The following GAD2 variants were observed in gnomAD, a reference collection of about 807,000 sequenced individuals.
GAD2 encodes the protein glutamate decarboxylase 2, also known as 65 kDa glutamic acid decarboxylase.
Under a neutral mutation model 80.1 loss-of-function variants are expected in GAD2, and 22 were observed. That is an observed-to-expected ratio of 0.27 (90% confidence interval 0.20 to 0.39). The LOEUF is 0.39. Ranked by LOEUF, GAD2 falls within the 10% of genes least tolerant of loss-of-function variation. The pLI, the probability that GAD2 is intolerant of heterozygous loss-of-function variation, is 1.00. For missense variants in GAD2, 624 were observed against 738.4 expected (o/e 0.85, Z 1.80); for synonymous variants, 274 against 256.9 (o/e 1.07, Z -0.64).
chr10:26,223,483 A>G (rs1340316120), intron 4 of GAD2, among the ~76,000 whole-genome samples: 1 of 152,210 alleles, frequency 6.6e-6, no homozygotes, highest in Non-Finnish European at 1.5e-5. Flanking sequence ...ATGAGTATAA[A>G]GGAGAAGTTA....
In GAD2 at chr10:26,292,472, C is replaced by G. The variant is rs764513059; in HGVS notation, c.1394C>G (p.Thr465Ser). 6.2e-7 allele frequency: 1 copy of G among 1,613,496 alleles called. No individual in the cohort carries two copies. Among genetic ancestry groups the G allele is most frequent in the Non-Finnish European group, 8.5e-7 (1 of 1,179,514 alleles). Reference sequence around the variant, plus strand: ...TGTCCTTCTCTTACCTAGGGGACTACCGGGTTTGAAGCGCATGTTGATAAA... The same window carrying G: ...TGTCCTTCTCTTACCTAGGGGACTAGCGGGTTTGAAGCGCATGTTGATAAA... ...LWLMWRAKGTTGFEAHVDKCL... is the reference protein window; with the variant it reads ...LWLMWRAKGTSGFEAHVDKCL... Residue 465 changes from threonine (T) to serine (S), a missense_variant, in exon 14 of 16, where the codon ACC (threonine) becomes AGC (serine). By Grantham distance (58) the Thr-to-Ser change is moderately conservative (BLOSUM62 1). Coordinates refer to ENST00000376261, the MANE Select transcript of GAD2 (RefSeq NM_001134366.2).
intron 12 of GAD2, among the ~76,000 whole-genome samples, chr10:26,283,081 A>G (rs1463938287): frequency 2.0e-5 from 3 of 152,266 alleles, no homozygotes; most frequent in Non-Finnish European, 4.4e-5. Flanking sequence ...CAAAAGGGAA[A>G]TGCGAGCCGG....
At chr10:26,230,178 A>C (rs983299670) in intron 7 of GAD2, among the ~76,000 whole-genome samples, 1 of 152,186 alleles carries the variant, frequency 6.6e-6, no homozygotes. Flanking sequence ...AAAGAAAAAA[A>C]AAAGGAAAAT....
intron 9 of GAD2, 74 bp from the exon 10 acceptor site, chr10:26,270,566 A>G: frequency 9.3e-7 from 1 of 1,071,202 alleles, no homozygotes; most frequent in Non-Finnish European, 1.5e-6. Flanking sequence ...GAGAATTTCC[A>G]TTGCTTTGAA....
chr10:26,264,312 CT>C (rs373732623), intron 8 of GAD2, among the ~76,000 whole-genome samples: 23,698 of 129,324 alleles, frequency 0.18, 1,254 homozygotes, highest in East Asian at 0.27. Context: ...AGATTTCAAG[CT>C]TTTTTTTTTT....
intron 7 of GAD2, among the ~76,000 whole-genome samples, chr10:26,241,550 C>CTT (rs562624565): frequency 0.16 from 22,211 of 143,202 alleles, 2,419 homozygotes; most frequent in African/African-American, 0.32. Flanking sequence ...CTGCTCATTT[C>CTT]TTTTTTTTTT....
At chr10:26,262,247 C>T (rs1845017646) in intron 8 of GAD2, among the ~76,000 whole-genome samples, 1 of 149,202 alleles carries the variant, frequency 6.7e-6, no homozygotes, top group South Asian at 2.1e-4. Context: ...TAACTTTTCT[C>T]CCACTTATTT....
chr10:26,251,776 A>G (rs1033084061), intron 8 of GAD2, among the ~76,000 whole-genome samples: 1 of 152,226 alleles, frequency 6.6e-6, no homozygotes, highest in African/African-American at 2.4e-5. Context: ...TGTTGGAAAA[A>G]AATTTTAACT....
At chr10:26,262,449 T>G (rs1350153825) in intron 8 of GAD2, among the ~76,000 whole-genome samples, 1 of 152,040 alleles carries the variant, frequency 6.6e-6, no homozygotes, top group African/African-American at 2.4e-5. Context: ...AATGTTACGT[T>G]TTCTCTCTTT....
At chr10:26,228,912 A>G (rs552245400) in intron 6 of GAD2, among the ~76,000 whole-genome samples, 1 of 152,222 alleles carries the variant, frequency 6.6e-6, no homozygotes, top group East Asian at 1.9e-4. Context: ...TGATTAGGCC[A>G]GGCGTGGTGG....
chr10:26,259,147 C>T (rs111914368), intron 8 of GAD2, among the ~76,000 whole-genome samples: 2,529 of 152,196 alleles, frequency 0.017, 54 homozygotes, highest in African/African-American at 0.057. Context: ...ATAGGAATAA[C>T]GCTGCAATGA....
In GAD2 at chr10:26,286,472, T is replaced by G; in HGVS notation, c.1364T>G (p.Leu455Arg). The G allele has an allele frequency of 6.2e-7, 1 of 1,613,658 alleles. No homozygotes were observed. ...QCGRHVDVFKLWLMWRAKGTT... is the reference protein window; with the variant it reads ...QCGRHVDVFKRWLMWRAKGTT... ...GGACGCCACGTTGATGTTTTTAAAC[T>G]ATGGCTGATGTGGAGGGCAAAGGTG... The change falls in exon 13 of 16, where the codon CTA becomes CGA. Residue 455 changes from leucine to arginine, a missense_variant. Leu to Arg is a moderately radical substitution (Grantham distance 102). Coordinates refer to ENST00000376261, the MANE Select transcript of GAD2 (RefSeq NM_001134366.2).
intron 6 of GAD2, among the ~76,000 whole-genome samples, chr10:26,226,718 C>A (rs1207348967): frequency 1.3e-5 from 2 of 152,200 alleles, no homozygotes; most frequent in Non-Finnish European, 2.9e-5. Context: ...AGAGTTAGGT[C>A]TGTGACTTAA....
intron 8 of GAD2, among the ~76,000 whole-genome samples, chr10:26,262,064 T>G (rs566582719): frequency 6.6e-6 from 1 of 152,166 alleles, no homozygotes; most frequent in Non-Finnish European, 1.5e-5. Context: ...TATAGGTTTC[T>G]CTGGGCTATC....
chr10:26,241,919 C>T (rs1844747994), intron 7 of GAD2, among the ~76,000 whole-genome samples: 1 of 152,122 alleles, frequency 6.6e-6, no homozygotes, highest in Non-Finnish European at 1.5e-5. Flanking sequence ...GCTAAAACAT[C>T]TCCCCTCAAT....
intron 10 of GAD2, among the ~76,000 whole-genome samples, chr10:26,271,223 A>C (rs143599077): frequency 2.0e-5 from 3 of 152,238 alleles, no homozygotes; most frequent in Admixed American, 2.0e-4. Flanking sequence ...AGAGGAAAAT[A>C]GGCTTGACAA....
Position 26,301,035 on chromosome 10 carries a change from G to A in GAD2, c.*74G>A, listed in dbSNP as rs1474600659. 3.1e-6 allele frequency: 4 copies of A among 1,288,854 alleles called. No homozygotes were observed. The Admixed American group carries it at 5.4e-5, about 17-fold the overall frequency. 79.8% of individuals were successfully genotyped at this position (1,288,854 alleles called of 1,614,324 possible). A position where few individuals can be genotyped will look rare whatever the true frequency, so the allele number is the denominator to read the frequency against. On this transcript the variant is annotated 3_prime_UTR_variant, in exon 16 of 16. Transcript: ENST00000376261. ...TGTCACAAACTGTGTGAATGTATTTGTAGTTTGTTCCAAAGTAAATCTATT... is the reference window on the plus strand; with the variant it reads ...TGTCACAAACTGTGTGAATGTATTTATAGTTTGTTCCAAAGTAAATCTATT...
At chr10:26,250,877 C>CTTTTTT (rs1181428173) in intron 8 of GAD2, among the ~76,000 whole-genome samples, 2 of 112,952 alleles carry the variant, frequency 1.8e-5, no homozygotes, top group East Asian at 5.3e-4. Flanking sequence ...GTTTTTTTTC[C>CTTTTTT]TTTTTTTTTT....
Position 26,269,292 on chromosome 10 carries a change from T to A in GAD2, c.975+119T>A. On this transcript the variant is annotated intron_variant, in intron 9 of 15. Transcript: ENST00000376261. ...CCAAGCCTCAATCTCCCAGGTTTAATGAGAACATAGAATTCTGCATCCAGT... is the reference window on the plus strand; with the variant it reads ...CCAAGCCTCAATCTCCCAGGTTTAAAGAGAACATAGAATTCTGCATCCAGT... The A allele has an allele frequency of 4.0e-6, 3 of 748,196 alleles. No individual in the cohort carries two copies. In the South Asian group the frequency reaches 6.7e-5, roughly 17 times the overall value. 46.3% of individuals were successfully genotyped at this position (748,196 alleles called of 1,614,324 possible). A position where few individuals can be genotyped will look rare whatever the true frequency, so the allele number is the denominator to read the frequency against.
Sources: gnomAD v4.1 joint callset for allele counts (sites outside exome capture counted in the v4.1 genomes callset) on GRCh38, gnomAD v4.1.1 for gene constraint, MANE v1.5 for transcripts, NCBI Gene and HGNC (gene_info 2026-07-23, HGNC 2026-07-21) for gene names.